ABLIM3: variants seen among roughly 807,000 people sequenced by gnomAD.
ABLIM3 encodes the protein actin-binding LIM protein 3.
A neutral mutation model predicts 109.5 loss-of-function variants in ABLIM3; 61 were observed. That is an observed-to-expected ratio of 0.56 (90% CI 0.45 to 0.69). The LOEUF is 0.69. ABLIM3 is among the 30% of genes least tolerant of loss of function. The pLI is 0.00. For synonymous variants in ABLIM3, 300 were observed against 324.8 expected (o/e 0.92, Z 0.82); for missense variants, 796 against 889.5 (o/e 0.89, Z 1.34).
At chr5:149,229,990 A>G (rs1761688777) in intron 8 of ABLIM3, among the ~76,000 whole-genome samples, 1 of 152,094 alleles carries the variant, frequency 6.6e-6, no homozygotes, top group Non-Finnish European at 1.5e-5. Context: ...ACACCATGAC[A>G]CCTCCTCCCC....
At chr5:149,161,473 G>T (rs2127447428) in intron 2 of ABLIM3, among the ~76,000 whole-genome samples, 1 of 152,284 alleles carries the variant, frequency 6.6e-6, no homozygotes, top group South Asian at 2.1e-4. Context: ...TATGTGAGTA[G>T]GATTTGGAGC....
chr5:149,210,589 G>A, intron 6 of ABLIM3, 137 bp from the exon 7 acceptor site: 2 of 708,840 alleles, frequency 2.8e-6, no homozygotes, highest in Admixed American at 2.0e-5. Context: ...CTTTCATACA[G>A]ATGAAATTGT....
At chr5:149,252,935 C>A in intron 23 of ABLIM3, 98 bp downstream of exon 23, 2 of 892,876 alleles carry the variant, frequency 2.2e-6, no homozygotes, top group Non-Finnish European at 1.8e-6. Flanking sequence ...GAATGAGTGG[C>A]TTTAAGATCA....
At position 149,240,740 on chromosome 5, in the gene ABLIM3, C is replaced by T. The variant is rs1218381729; in HGVS notation, c.1269C>T (p.Thr423=). ...TAGATGTGAGGTCCTCCACTCCAAC[C>T]TCTTACCAGGCTCCCAAGCACTTTC... The part of the protein sequence containing the change: ...SQLDVRSSTP[T]SYQAPKHFHI... The change falls in exon 14 of 24, where the codon ACC becomes ACT. Residue 423 remains threonine (T), a synonymous_variant. Coordinates refer to ENST00000309868, the MANE Select transcript of ABLIM3 (RefSeq NM_014945.5). The T allele has an allele frequency of 2.3e-5, 37 of 1,614,082 alleles. No individual in the cohort carries two copies. The highest frequency in any genetic ancestry group is 3.0e-5 in the Non-Finnish European group (35 of 1,180,048).
intron 2 of ABLIM3, among the ~76,000 whole-genome samples, chr5:149,150,301 C>A (rs1753312353): frequency 1.3e-5 from 2 of 152,162 alleles, no homozygotes; most frequent in African/African-American, 4.8e-5. Flanking sequence ...TCCTGACACA[C>A]AAGAACGCAG....
At chr5:149,210,334 C>G (rs910635013) in intron 6 of ABLIM3, among the ~76,000 whole-genome samples, 1 of 152,194 alleles carries the variant, frequency 6.6e-6, no homozygotes, top group Non-Finnish European at 1.5e-5. Context: ...GTTTTCTCAC[C>G]TACACAATGG....
At chr5:149,249,715 G>A in intron 18 of ABLIM3, 100 bp from the exon 19 acceptor site, 1 of 1,444,420 alleles carries the variant, frequency 6.9e-7, no homozygotes, top group Non-Finnish European at 9.7e-7. Context: ...CCAGCCAGGG[G>A]GATCGGGTAT....
In ABLIM3 at chr5:149,237,707, C is replaced by T. The variant is rs1030441502; in HGVS notation, c.1044+104C>T. On this transcript the variant is annotated intron_variant, in intron 11 of 23. Coordinates refer to ENST00000309868, the MANE Select transcript of ABLIM3 (RefSeq NM_014945.5). ...GACAGTTTGGCCTCCACAATGCTGG[C>T]TCCCAGACTCTTCTACACTGGGATT... 6.9e-6 allele frequency: 10 copies of T among 1,440,962 alleles called. No individual in the cohort carries two copies. In the African/African-American group the frequency reaches 1.0e-4, roughly 14 times the overall value. 89.3% of individuals were successfully genotyped at this position (1,440,962 alleles called of 1,614,324 possible). A position where few individuals can be genotyped will look rare whatever the true frequency, so the allele number is the denominator to read the frequency against.
chr5:149,153,706 G>A (rs558206320), intron 2 of ABLIM3, among the ~76,000 whole-genome samples: 16 of 152,308 alleles, frequency 1.1e-4, no homozygotes, highest in Middle Eastern at 3.4e-3. Flanking sequence ...GTAGGAAGAC[G>A]CCAGGCAGCT....
rs1348565992 is a variant in ABLIM3, at chr5:149,260,217, G to A, written c.*1813G>A. 6.5e-6 allele frequency: 1 copy of A among 152,768 alleles called. No individual in the cohort carries two copies. Among genetic ancestry groups the A allele is most frequent in the Non-Finnish European group, 1.5e-5 (1 of 68,226 alleles). The allele number at this position is 152,768 out of a possible 1,614,324, so 9.5% of individuals were successfully genotyped here. A position where few individuals can be genotyped will look rare whatever the true frequency, so the allele number is the denominator to read the frequency against. ...GGGTGATGGGGTGAGGGGCCAGAGGGAAGTCTGCTGTGTTCTCATGTAGGA... is the reference window on the plus strand; with the variant it reads ...GGGTGATGGGGTGAGGGGCCAGAGGAAAGTCTGCTGTGTTCTCATGTAGGA... On this transcript the variant is annotated 3_prime_UTR_variant, in exon 24 of 24. Transcript: ENST00000309868.
chr5:149,246,762 C>T lies in ABLIM3; in HGVS notation c.1551+216C>T, dbSNP rs555553838. The stretch of plus-strand genomic sequence containing the variant: ...ATGTCATAGGAAATTTGTCTCTTCA[C>T]TTCTGGGGCTTGCCTCTGCATTGGC... On this transcript the variant is annotated intron_variant, in intron 17 of 23. Transcript: ENST00000309868. Among the ~76,000 whole-genome samples the T allele has an allele frequency of 7.9e-5, 12 of 152,372 alleles. No individual in the cohort carries two copies. The South Asian group carries it at 2.5e-3, about 32-fold the overall frequency.
intron 7 of ABLIM3, among the ~76,000 whole-genome samples, chr5:149,211,083 G>T (rs1413678237): frequency 6.6e-6 from 1 of 152,174 alleles, no homozygotes; most frequent in African/African-American, 2.4e-5. Context: ...GACCCAGACA[G>T]ATTTCTAAAG....
intron 2 of ABLIM3, among the ~76,000 whole-genome samples, chr5:149,147,412 C>A (rs1271015710): frequency 1.3e-5 from 2 of 151,792 alleles, no homozygotes; most frequent in African/African-American, 4.8e-5. Context: ...GAGAATAAAC[C>A]CTACTTGATA....
At chr5:149,154,360 A>G (rs2127437905) in intron 2 of ABLIM3, among the ~76,000 whole-genome samples, 1 of 152,342 alleles carries the variant, frequency 6.6e-6, no homozygotes, top group Admixed American at 6.5e-5. Context: ...CAGGAACCTC[A>G]GGTGATTATA....
At chr5:149,240,557 C>T (rs1183836426) in intron 13 of ABLIM3, 119 bp from the exon 14 acceptor site, 2 of 789,562 alleles carry the variant, frequency 2.5e-6, no homozygotes, top group East Asian at 2.5e-5. Flanking sequence ...GCTGAGACGC[C>T]CCAGCCCATC....
chr5:149,175,939 A>G (rs539396843), intron 2 of ABLIM3, among the ~76,000 whole-genome samples: 6 of 152,332 alleles, frequency 3.9e-5, no homozygotes, highest in African/African-American at 9.6e-5. Context: ...ACCATGGAAC[A>G]TGCTGATGAG....
chr5:149,228,187 G>T (rs1761507857), intron 8 of ABLIM3, among the ~76,000 whole-genome samples: 1 of 152,146 alleles, frequency 6.6e-6, no homozygotes, highest in Non-Finnish European at 1.5e-5. Context: ...CAGTTCTTAG[G>T]TGTTAAATGT....
At chr5:149,203,528 GATCACTACCATC>G (rs1250206329) in intron 5 of ABLIM3, among the ~76,000 whole-genome samples, 3 of 150,434 alleles carry the variant, frequency 2.0e-5, no homozygotes, top group Non-Finnish European at 4.4e-5. Context: ...TCTCCAACAC[GATCACTACCATC>G]ATCACTACCA....
chr5:149,239,666 A>G (rs910106709), intron 12 of ABLIM3, 93 bp from the exon 13 acceptor site: 4 of 1,487,228 alleles, frequency 2.7e-6, no homozygotes, highest in Admixed American at 4.8e-5. Flanking sequence ...CGAGAATCCC[A>G]GATTCCATGT....
Sources: gnomAD v4.1 joint callset for allele counts (sites outside exome capture counted in the v4.1 genomes callset) on GRCh38, gnomAD v4.1.1 for gene constraint, MANE v1.5 for transcripts, NCBI Gene and HGNC (gene_info 2026-07-23, HGNC 2026-07-21) for gene names.